Variants in RSU1 observed in about 807,000 individuals in gnomAD.
The protein encoded by RSU1 is rsu-1.
A neutral mutation model predicts 31.1 loss-of-function variants in RSU1; 26 were observed. The ratio of observed to expected loss-of-function variants is 0.84; its 90% CI spans 0.61 to 1.16. The LOEUF is 1.16. Ranked by LOEUF, RSU1 falls within the 50% of genes most tolerant of loss-of-function variation. The probability of loss-of-function intolerance (pLI) is 0.00; values close to 1 mark genes in which losing one functional copy is unlikely to be tolerated. For synonymous variants in RSU1, 164 were observed against 136.3 expected, an observed-to-expected ratio of 1.20 and a Z score of -1.41; for missense variants, 320 against 339.1, an observed-to-expected ratio of 0.94 and a Z score of 0.44.
intron 8 of RSU1, among the ~76,000 whole-genome samples, chr10:16,600,500 CTTTT>C: frequency 6.7e-6 from 1 of 149,210 alleles, no homozygotes; most frequent in African/African-American, 2.5e-5. Context: ...AATTTTGCAA[CTTTT>C]TTTTTGATTA....
chr10:16,710,673 T>A (rs960749454), intron 7 of RSU1, among the ~76,000 whole-genome samples: 27 of 148,170 alleles, frequency 1.8e-4, no homozygotes, highest in African/African-American at 5.8e-4. Context: ...TAAATTTTTT[T>A]ATTTTTTATT....
Position 16,704,950 on chromosome 10 carries a change from C to T in RSU1, c.599-9795G>A, listed in dbSNP as rs182294828. ...ATACATTTGTAATTTTGTGCAAACA[C>T]CACTGTACCATCTGCCTCCATGACT... is the stretch of plus-strand genomic sequence containing the variant. On this transcript the variant is annotated intron_variant, in intron 7 of 8. Coordinates refer to ENST00000345264, the MANE Select transcript of RSU1 (RefSeq NM_012425.4). Among the ~76,000 whole-genome samples the T allele has an allele frequency of 2.8e-3, 424 of 152,164 alleles. 2 individuals carry two copies. Among genetic ancestry groups the T allele is most frequent in the African/African-American group, 9.9e-3 (410 of 41,502 alleles).
At chr10:16,678,381 G>C (rs1271695510) in intron 8 of RSU1, among the ~76,000 whole-genome samples, 2 of 152,206 alleles carry the variant, frequency 1.3e-5, no homozygotes. Flanking sequence ...GAATTGGGAT[G>C]GTCCATGCAT....
chr10:16,788,368 T>C (rs931087199), intron 2 of RSU1, among the ~76,000 whole-genome samples: 13 of 152,050 alleles, frequency 8.5e-5, no homozygotes, highest in Non-Finnish European at 1.6e-4. Flanking sequence ...GTGTATGGTA[T>C]TGGGAGGCGG....
intron 8 of RSU1, among the ~76,000 whole-genome samples, chr10:16,617,472 T>G (rs1049443159): frequency 2.4e-4 from 36 of 152,248 alleles, no homozygotes; most frequent in African/African-American, 7.0e-4. Context: ...CTTCACAGAA[T>G]TAGAAAAAAA....
chr10:16,794,476 T>G (rs887187930), intron 2 of RSU1, among the ~76,000 whole-genome samples: 2 of 152,230 alleles, frequency 1.3e-5, no homozygotes, highest in African/African-American at 4.8e-5. Context: ...CTTGTTTGTA[T>G]TGACTAATTT....
At chr10:16,687,886 AT>A (rs918045043) in intron 8 of RSU1, among the ~76,000 whole-genome samples, 3 of 151,510 alleles carry the variant, frequency 2.0e-5, no homozygotes, top group Admixed American at 6.6e-5. Context: ...TGCCCGGCTA[AT>A]TTTTTTTCAT....
intron 8 of RSU1, among the ~76,000 whole-genome samples, chr10:16,600,261 G>A (rs1271378713): frequency 1.3e-5 from 2 of 152,108 alleles, no homozygotes; most frequent in Non-Finnish European, 2.9e-5. Context: ...ACGTGGGAGT[G>A]GGCGCTGCCC....
chr10:16,671,239 C>G (rs1180408436), intron 8 of RSU1, among the ~76,000 whole-genome samples: 1 of 152,172 alleles, frequency 6.6e-6, no homozygotes, highest in Non-Finnish European at 1.5e-5. Flanking sequence ...AACAGGGTCA[C>G]ACTATGTTGT....
chr10:16,722,543 G>T (rs1015322108), intron 7 of RSU1, among the ~76,000 whole-genome samples: 1 of 152,108 alleles, frequency 6.6e-6, no homozygotes, highest in Non-Finnish European at 1.5e-5. Flanking sequence ...CAAGCAATAA[G>T]ATTTATCATC....
At chr10:16,739,573 C>A (rs1277185565) in intron 7 of RSU1, among the ~76,000 whole-genome samples, 1 of 150,516 alleles carries the variant, frequency 6.6e-6, no homozygotes, top group African/African-American at 2.5e-5. Flanking sequence ...CAGGTTCACG[C>A]CATTCTCCTG....
At chr10:16,596,571 A>G (rs1833617917) in intron 8 of RSU1, among the ~76,000 whole-genome samples, 1 of 152,176 alleles carries the variant, frequency 6.6e-6, no homozygotes, top group Non-Finnish European at 1.5e-5. Flanking sequence ...GTGTCTTCAC[A>G]CAGGCACCTA....
chr10:16,797,814 G>A (rs1296730511), intron 2 of RSU1, among the ~76,000 whole-genome samples: 2 of 147,354 alleles, frequency 1.4e-5, no homozygotes, highest in Non-Finnish European at 1.5e-5. Flanking sequence ...AACACAATAC[G>A]TAATACTTTA....
intron 8 of RSU1, among the ~76,000 whole-genome samples, chr10:16,676,368 G>C (rs1369137233): frequency 1.3e-5 from 2 of 152,100 alleles, no homozygotes; most frequent in East Asian, 3.9e-4. Flanking sequence ...CTGTGTGCAG[G>C]GGAACTGCCC....
At chr10:16,751,897 G>C (rs1032222313) in intron 7 of RSU1, among the ~76,000 whole-genome samples, 1 of 152,186 alleles carries the variant, frequency 6.6e-6, no homozygotes, top group African/African-American at 2.4e-5. Flanking sequence ...TTACTGGCTT[G>C]GAGGTTATTT....
intron 7 of RSU1, among the ~76,000 whole-genome samples, chr10:16,717,381 A>G (rs533743679): frequency 5.6e-4 from 86 of 152,322 alleles, no homozygotes; most frequent in Admixed American, 1.0e-3. Context: ...TGAATTCAAA[A>G]TTCTTCATGC....
At chr10:16,602,225 C>T (rs767139369) in intron 8 of RSU1, among the ~76,000 whole-genome samples, 2 of 152,210 alleles carry the variant, frequency 1.3e-5, no homozygotes, top group Non-Finnish European at 1.5e-5. Flanking sequence ...GATCTCATCA[C>T]TAAGTCCTTG....
At chr10:16,678,844 C>T (rs1168473508) in intron 8 of RSU1, among the ~76,000 whole-genome samples, 1 of 152,008 alleles carries the variant, frequency 6.6e-6, no homozygotes, top group Non-Finnish European at 1.5e-5. Flanking sequence ...ATATTCCATC[C>T]ACTTACAAGC....
intron 8 of RSU1, among the ~76,000 whole-genome samples, chr10:16,624,177 C>T (rs191719487): frequency 2.6e-5 from 4 of 151,870 alleles, no homozygotes; most frequent in Admixed American, 2.6e-4. Context: ...CTCAGGGTAT[C>T]AGGTCCCTGC....
Sources: allele counts gnomAD v4.1 joint callset (sites outside exome capture counted in the v4.1 genomes callset), GRCh38; gene constraint gnomAD v4.1.1; transcripts MANE v1.5; gene names NCBI Gene and HGNC (gene_info 2026-07-23, HGNC 2026-07-21).